Variants in PRKN observed in about 807,000 individuals in gnomAD.
PRKN encodes the protein E3 ubiquitin-protein ligase parkin.
A neutral mutation model predicts 59.5 loss-of-function variants in PRKN; 56 were observed. The observed-to-expected ratio is 0.94, with a 90% confidence interval of 0.76 to 1.18. The LOEUF is 1.18. PRKN is among the 50% of genes most tolerant of loss of function. The probability of loss-of-function intolerance (pLI) is 0.00; values close to 1 mark genes in which losing one functional copy is unlikely to be tolerated. For synonymous variants in PRKN, 250 were observed against 222.1 expected (o/e 1.13, Z -1.12); for missense variants, 657 against 596.4 (o/e 1.10, Z -1.06).
intron 7 of PRKN, among the ~76,000 whole-genome samples, chr6:161,666,389 A>C (rs1047356812): frequency 3.3e-5 from 5 of 152,094 alleles, no homozygotes; most frequent in African/African-American, 1.2e-4. Flanking sequence ...GGATCTAACT[A>C]ATGCCTGATG....
chr6:162,610,990 A>C (rs1782122907), intron 1 of PRKN, among the ~76,000 whole-genome samples: 1 of 152,192 alleles, frequency 6.6e-6, no homozygotes, highest in African/African-American at 2.4e-5. Flanking sequence ...GGAGAATCAT[A>C]ATTATCTTTA....
At chr6:161,674,198 A>G (rs774652682) in intron 7 of PRKN, among the ~76,000 whole-genome samples, 1 of 152,168 alleles carries the variant, frequency 6.6e-6, no homozygotes, top group Non-Finnish European at 1.5e-5. Context: ...GAAGAACCAC[A>G]AGATCATATA....
intron 5 of PRKN, among the ~76,000 whole-genome samples, chr6:162,052,985 A>ACTT (rs1777710112): frequency 6.6e-6 from 1 of 152,168 alleles, no homozygotes; most frequent in African/African-American, 2.4e-5. Context: ...ATGTAATTAC[A>ACTT]CTTAAGAATT....
chr6:161,747,619 G>T (rs1788488226), intron 7 of PRKN, among the ~76,000 whole-genome samples: 1 of 152,204 alleles, frequency 6.6e-6, no homozygotes, highest in South Asian at 2.1e-4. Context: ...ATAATCATTT[G>T]TAGTTAAGAG....
intron 3 of PRKN, among the ~76,000 whole-genome samples, chr6:162,231,188 CAG>C (rs1778407253): frequency 6.6e-6 from 1 of 152,146 alleles, no homozygotes; most frequent in African/African-American, 2.4e-5. Context: ...GAAAATATTT[CAG>C]AGAGCTGAGA....
chr6:161,733,761 C>T (rs1207025918), intron 7 of PRKN, among the ~76,000 whole-genome samples: 3 of 103,544 alleles, frequency 2.9e-5, no homozygotes, highest in African/African-American at 4.3e-5. Flanking sequence ...TTGAAAATTC[C>T]CAGGGGGTGA....
intron 1 of PRKN, among the ~76,000 whole-genome samples, chr6:162,705,012 C>T (rs753967814): frequency 2.0e-5 from 3 of 152,164 alleles, no homozygotes; most frequent in Non-Finnish European, 2.9e-5. Flanking sequence ...TATATTACTT[C>T]GTAGGTAATG....
At chr6:162,078,180 C>A (rs1462498954) in intron 4 of PRKN, among the ~76,000 whole-genome samples, 3 of 151,740 alleles carry the variant, frequency 2.0e-5, no homozygotes, top group Non-Finnish European at 4.4e-5. Context: ...GCCAACAGAT[C>A]ATGGGTTCTC....
intron 9 of PRKN, among the ~76,000 whole-genome samples, chr6:161,455,989 T>A (rs929820223): frequency 1.3e-5 from 2 of 152,162 alleles, no homozygotes; most frequent in African/African-American, 4.8e-5. Flanking sequence ...GTGTTTATAG[T>A]TTCTTCCAGT....
intron 1 of PRKN, among the ~76,000 whole-genome samples, chr6:162,698,664 C>T (rs948911505): frequency 6.6e-6 from 1 of 152,190 alleles, no homozygotes; most frequent in Non-Finnish European, 1.5e-5. Flanking sequence ...TTCTACAGCT[C>T]TCCACCTTTT....
intron 10 of PRKN, among the ~76,000 whole-genome samples, chr6:161,380,334 ACAAC>A (rs1785913493): frequency 6.6e-6 from 1 of 152,094 alleles, no homozygotes; most frequent in Admixed American, 6.6e-5. Context: ...CTCTTAGCAT[ACAAC>A]ATTTTAATTA....
At chr6:162,001,052 T>C (rs937165436) in intron 5 of PRKN, among the ~76,000 whole-genome samples, 2 of 152,082 alleles carry the variant, frequency 1.3e-5, no homozygotes, top group African/African-American at 2.4e-5. Flanking sequence ...TAGTTTTGTA[T>C]AGTTAAGCCT....
intron 7 of PRKN, among the ~76,000 whole-genome samples, chr6:161,707,823 A>T (rs1786570769): frequency 6.6e-6 from 1 of 152,122 alleles, no homozygotes; most frequent in East Asian, 1.9e-4. Context: ...TGCTTTTTTT[A>T]TCCAGGCAAG....
chr6:162,289,562 T>C lies in PRKN; in HGVS notation c.172-26797A>G, dbSNP rs532893632. Among the ~76,000 whole-genome samples the C allele has an allele frequency of 9.9e-5, 15 of 152,002 alleles. No homozygotes were observed. The East Asian group carries it at 2.7e-3, about 28-fold the overall frequency. ...AAATACAAAAATTAGCCGGGCATGA[T>C]GGCAGGTACCTGTAATCCCAGCTAC... On this transcript the variant is annotated intron_variant, in intron 2 of 11. Transcript: ENST00000366898.
intron 1 of PRKN, among the ~76,000 whole-genome samples, chr6:162,581,658 C>T (rs34306375): frequency 0.1 from 15,590 of 152,242 alleles, 943 homozygotes; most frequent in Middle Eastern, 0.19. Flanking sequence ...CTACTTGAGG[C>T]TGAGGCAGGA....
rs1012374481 is a variant in PRKN at position 162,034,480 on chromosome 6, T to C, written c.618+19611A>G. On this transcript the variant is annotated intron_variant, in intron 5 of 11. Coordinates refer to ENST00000366898, the MANE Select transcript of PRKN (RefSeq NM_004562.3). ...GTAGAGACAAGTAGAAACAAGCATA[T>C]TTCCTGCAGTTTATTCATTTCCTTC... Among the ~76,000 whole-genome samples the C allele has an allele frequency of 2.0e-5, 3 of 152,128 alleles. No homozygotes were observed. In the South Asian group the frequency reaches 6.2e-4, roughly 32 times the overall value.
At chr6:161,750,492 G>C (rs1285222058) in intron 7 of PRKN, among the ~76,000 whole-genome samples, 1 of 152,048 alleles carries the variant, frequency 6.6e-6, no homozygotes, top group East Asian at 1.9e-4. Context: ...TATTGGCCAG[G>C]TGTGGTGGCT....
chr6:161,571,186 G>A (rs372647779), intron 7 of PRKN, among the ~76,000 whole-genome samples: 15 of 152,174 alleles, frequency 9.9e-5, no homozygotes, highest in African/African-American at 1.9e-4. Flanking sequence ...CTCAAGTGAC[G>A]CTCCCGCTTC....
At chr6:162,034,188 GA>G (rs1783753533) in intron 5 of PRKN, among the ~76,000 whole-genome samples, 2 of 101,418 alleles carry the variant, frequency 2.0e-5, no homozygotes, top group Non-Finnish European at 3.9e-5. Context: ...TATATATATA[GA>G]GAGAGAGAGA....
Sources: gnomAD v4.1 joint callset for allele counts (sites outside exome capture counted in the v4.1 genomes callset) on GRCh38, gnomAD v4.1.1 for gene constraint, MANE v1.5 for transcripts, NCBI Gene and HGNC (gene_info 2026-07-23, HGNC 2026-07-21) for gene names.